KCNIP4: variants seen among roughly 807,000 people sequenced by gnomAD.
KCNIP4 encodes Kv channel-interacting protein 4.
In KCNIP4, 12 loss-of-function variants were observed where a neutral mutation model predicts 34.0. The ratio of observed to expected loss-of-function variants is 0.35; its 90% CI spans 0.23 to 0.57. KCNIP4 has a LOEUF of 0.57. KCNIP4 is among the 20% of genes least tolerant of loss of function. The probability of loss-of-function intolerance (pLI) is 0.83; values close to 1 mark genes in which losing one functional copy is unlikely to be tolerated. For synonymous variants in KCNIP4, 124 were observed against 102.2 expected, an observed-to-expected ratio of 1.21 and a Z score of -1.29; for missense variants, 238 against 311.7, an observed-to-expected ratio of 0.76 and a Z score of 1.78.
At chr4:21,097,025 A>T (rs184501504) in intron 1 of KCNIP4, among the ~76,000 whole-genome samples, 1 of 152,322 alleles carries the variant, frequency 6.6e-6, no homozygotes, top group Non-Finnish European at 1.5e-5. Flanking sequence ...CAACAAAACA[A>T]ATAGCACATT....
chr4:21,757,421 G>C (rs1315367903), intron 1 of KCNIP4, among the ~76,000 whole-genome samples: 1 of 152,098 alleles, frequency 6.6e-6, no homozygotes, highest in African/African-American at 2.4e-5. Context: ...TAATGATCAA[G>C]TATCTATGTT....
chr4:21,619,494 A>G (rs904654654), intron 1 of KCNIP4, among the ~76,000 whole-genome samples: 1 of 152,238 alleles, frequency 6.6e-6, no homozygotes, highest in Non-Finnish European at 1.5e-5. Context: ...GCAATCAGAC[A>G]GTCCAAATTC....
intron 1 of KCNIP4, among the ~76,000 whole-genome samples, chr4:21,034,915 G>T (rs1181714464): frequency 6.6e-6 from 1 of 152,120 alleles, no homozygotes; most frequent in African/African-American, 2.4e-5. Context: ...TGCCCCCTAG[G>T]GTATGGATCA....
intron 5 of KCNIP4, among the ~76,000 whole-genome samples, chr4:20,747,974 T>C (rs1752722456): frequency 6.6e-6 from 1 of 152,204 alleles, no homozygotes; most frequent in African/African-American, 2.4e-5. Context: ...TTTGTTTTAA[T>C]TTCTTTTGAA....
chr4:20,799,870 G>C (rs1311168132), intron 3 of KCNIP4, among the ~76,000 whole-genome samples: 1 of 152,192 alleles, frequency 6.6e-6, no homozygotes, highest in Non-Finnish European at 1.5e-5. Flanking sequence ...CACCAGTGCT[G>C]TACCCTGTTT....
chr4:20,921,309 C>T (rs1174020179), intron 1 of KCNIP4, among the ~76,000 whole-genome samples: 2 of 152,108 alleles, frequency 1.3e-5, no homozygotes, highest in African/African-American at 2.4e-5. Flanking sequence ...GTTACTTTGG[C>T]CGCCATTTGC....
intron 1 of KCNIP4, among the ~76,000 whole-genome samples, chr4:21,000,397 G>GAA (rs371047598): frequency 4.1e-5 from 6 of 147,150 alleles, no homozygotes; most frequent in African/African-American, 1.5e-4. Context: ...ACTAAAAAAA[G>GAA]AAAAAAAAAA....
intron 1 of KCNIP4, among the ~76,000 whole-genome samples, chr4:21,563,818 A>G (rs926676727): frequency 6.6e-6 from 1 of 152,064 alleles, no homozygotes; most frequent in Non-Finnish European, 1.5e-5. Context: ...ATCTCAGATG[A>G]GAAAACATGT....
At chr4:21,217,629 T>G (rs1345414889) in intron 1 of KCNIP4, among the ~76,000 whole-genome samples, 1 of 151,856 alleles carries the variant, frequency 6.6e-6, no homozygotes, top group Non-Finnish European at 1.5e-5. Context: ...AAAAGATGAG[T>G]TTTGGGGAAT....
intron 1 of KCNIP4, among the ~76,000 whole-genome samples, chr4:20,910,056 C>A (rs551577398): frequency 6.6e-6 from 1 of 152,206 alleles, no homozygotes; most frequent in East Asian, 1.9e-4. Context: ...CACTGTAACC[C>A]CAAAATATTC....
intron 1 of KCNIP4, among the ~76,000 whole-genome samples, chr4:21,427,206 A>G (rs1726010807): frequency 6.6e-6 from 1 of 151,924 alleles, no homozygotes; most frequent in African/African-American, 2.4e-5. Flanking sequence ...AAAAGGTATG[A>G]TTTACTTTTC....
chr4:21,732,121 T>C (rs1715651124), intron 1 of KCNIP4, among the ~76,000 whole-genome samples: 1 of 151,880 alleles, frequency 6.6e-6, no homozygotes, highest in Admixed American at 6.6e-5. Flanking sequence ...CTTCAGTTTA[T>C]AAATTTTTAA....
intron 1 of KCNIP4, among the ~76,000 whole-genome samples, chr4:20,893,971 C>G (rs998411900): frequency 7.9e-5 from 12 of 152,144 alleles, no homozygotes; most frequent in African/African-American, 2.9e-4. Context: ...ACCTCCACCT[C>G]CCAGGTTCAA....
chr4:20,729,990 C>CTGAGCAATCTATG lies in KCNIP4; in HGVS notation c.*79_*91dup. On this transcript the variant is annotated 3_prime_UTR_variant, in exon 9 of 9. Transcript: ENST00000382152. ...TTGCATAATATGCTTCAGTGTCAAG[C>CTGAGCAATCTATG]TGAGCAATCTATGCTAAAAGTGGTA... 2 of 1,417,252 alleles carry CTGAGCAATCTATG rather than the reference C, an allele frequency of 1.4e-6. No homozygotes were observed. Among genetic ancestry groups the CTGAGCAATCTATG allele is most frequent in the Middle Eastern group, 3.9e-4 (2 of 5,102 alleles). The allele number at this position is 1,417,252 out of a possible 1,614,324, so 87.8% of individuals were successfully genotyped here.
chr4:21,303,743 C>T, intron 1 of KCNIP4: 1 of 1,331,898 alleles, frequency 7.5e-7, no homozygotes, highest in Non-Finnish European at 1.1e-6. Context: ...CTCTTACATT[C>T]ACCTAAGACA....
rs1432693657 is a variant in KCNIP4 at position 20,769,373 on chromosome 4, T to C, written c.289-10483A>G. Among the ~76,000 whole-genome samples, 4 of 152,174 alleles carry C rather than the reference T, an allele frequency of 2.6e-5. No individual in the cohort carries two copies. The East Asian group carries it at 7.7e-4, about 29-fold the overall frequency. On this transcript the variant is annotated intron_variant, in intron 3 of 8. Coordinates refer to ENST00000382152, the MANE Select transcript of KCNIP4 (RefSeq NM_025221.6). The stretch of plus-strand genomic sequence containing the variant: ...GGATTGGGCCCAATTCCTGAATCTT[T>C]AGTGGAATGCATGTAGAATTGTTTG...
intron 3 of KCNIP4, among the ~76,000 whole-genome samples, chr4:20,806,103 G>T (rs575239156): frequency 6.6e-6 from 1 of 151,518 alleles, no homozygotes; most frequent in East Asian, 1.9e-4. Context: ...TATATTCTTT[G>T]CCTGTTCTAC....
intron 1 of KCNIP4, among the ~76,000 whole-genome samples, chr4:21,120,835 A>G (rs1750094463): frequency 6.6e-6 from 1 of 152,194 alleles, no homozygotes; most frequent in Admixed American, 6.6e-5. Flanking sequence ...TTACTAAATT[A>G]AGGCCCACCT....
In KCNIP4 at chr4:21,186,909, G is replaced by A. The variant is rs150655580; in HGVS notation, c.62-304200C>T. 2.0e-5 allele frequency among the ~76,000 whole-genome samples: 3 copies of A among 152,164 alleles called. No individual in the cohort carries two copies. In the East Asian group the frequency reaches 5.8e-4, roughly 29 times the overall value. On this transcript the variant is annotated intron_variant, in intron 1 of 8. Transcript: ENST00000382152. ...AGGGATCCCTCATCCCAAAGTGCTG[G>A]GATCACAGGTGTGAGACACTGGGCC...
Sources: allele counts gnomAD v4.1 joint callset (sites outside exome capture counted in the v4.1 genomes callset), GRCh38; gene constraint gnomAD v4.1.1; transcripts MANE v1.5; gene names NCBI Gene and HGNC (gene_info 2026-07-23, HGNC 2026-07-21).